HDAC4: variants seen among roughly 807,000 people sequenced by gnomAD.
HDAC4 encodes the protein histone deacetylase A.
A neutral mutation model predicts 135.1 loss-of-function variants in HDAC4; 16 were observed. That is an observed-to-expected ratio of 0.12 (90% CI 0.08 to 0.18). The LOEUF is 0.18. HDAC4 is among the 10% of genes least tolerant of loss of function. The pLI, the probability that HDAC4 is intolerant of heterozygous loss-of-function variation, is 1.00. For synonymous variants in HDAC4, 685 were observed against 653.4 expected, an observed-to-expected ratio of 1.05 and a Z score of -0.74; for missense variants, 1,143 against 1,511.8, an observed-to-expected ratio of 0.76 and a Z score of 4.05.
Position 239,115,939 on chromosome 2 carries a change from G to A in HDAC4, c.1534-629C>T, listed in dbSNP as rs1253771956. Among the ~76,000 whole-genome samples the A allele has an allele frequency of 1.3e-5, 2 of 152,032 alleles. No individual in the cohort carries two copies. Among genetic ancestry groups the A allele is most frequent in the Non-Finnish European group, 2.9e-5 (2 of 67,994 alleles). ...CAGGGACACCATGACCTCCTTTCTT[G>A]CAGGATTCCATGGGTGCTCCATGAC... is the stretch of plus-strand genomic sequence containing the variant. On this transcript the variant is annotated intron_variant, in intron 12 of 26. Coordinates refer to ENST00000543185, the MANE Select transcript of HDAC4 (RefSeq NM_001378414.1). The surrounding 1 kb of genome is among the most constrained non-coding windows in gnomAD (Gnocchi z 6.3).
intron 6 of HDAC4, 46 bp from the exon 7 acceptor site, chr2:239,156,819 G>A: frequency 3.1e-6 from 5 of 1,612,618 alleles, no homozygotes; most frequent in Non-Finnish European, 4.2e-6. Context: ...CCAGCGCACT[G>A]CCCCAGGCAT....
At chr2:239,109,987 A>G (rs940801661) in intron 14 of HDAC4, among the ~76,000 whole-genome samples, 1 of 152,222 alleles carries the variant, frequency 6.6e-6, no homozygotes, top group African/African-American at 2.4e-5. Flanking sequence ...AGGGTGGCAG[A>G]GCCAGCCAGG....
At chr2:239,364,228 T>A (rs1694029984) in intron 1 of HDAC4, among the ~76,000 whole-genome samples, 1 of 152,062 alleles carries the variant, frequency 6.6e-6, no homozygotes, top group Non-Finnish European at 1.5e-5. Context: ...GAAAGACATC[T>A]ACGAAGACAC....
chr2:239,284,573 G>A (rs1253869401), intron 2 of HDAC4, among the ~76,000 whole-genome samples: 2 of 152,218 alleles, frequency 1.3e-5, no homozygotes, highest in Non-Finnish European at 2.9e-5. Context: ...CTGGGCATCC[G>A]GTGCCAACAG....
At chr2:239,379,652 C>A (rs1695273907) in intron 1 of HDAC4, among the ~76,000 whole-genome samples, 2 of 152,166 alleles carry the variant, frequency 1.3e-5, no homozygotes, top group Admixed American at 6.5e-5. Context: ...AGTCATCTTA[C>A]CCTATCTTCA....
At chr2:239,053,696 C>A in intron 25 of HDAC4, 95 bp from the exon 26 acceptor site, 1 of 997,144 alleles carries the variant, frequency 1.0e-6, no homozygotes, top group Non-Finnish European at 1.5e-6. Flanking sequence ...GAGCCTCAAA[C>A]CAGATTGATC....
At chr2:239,077,115 C>G (rs774845709) in intron 22 of HDAC4, among the ~76,000 whole-genome samples, 10 of 152,230 alleles carry the variant, frequency 6.6e-5, no homozygotes, top group Non-Finnish European at 1.2e-4. Flanking sequence ...AGTCTGTCAC[C>G]TAAGCTGCCA....
intron 5 of HDAC4, among the ~76,000 whole-genome samples, chr2:239,175,716 A>G (rs1214987253): frequency 6.6e-6 from 1 of 152,210 alleles, no homozygotes; most frequent in Non-Finnish European, 1.5e-5. Flanking sequence ...TCCCGAAAGA[A>G]AAGTACTTTG....
chr2:239,221,364 T>G (rs760389646), intron 3 of HDAC4, among the ~76,000 whole-genome samples: 7 of 151,590 alleles, frequency 4.6e-5, no homozygotes, highest in Admixed American at 3.9e-4. Flanking sequence ...GAAAAAAAAA[T>G]CACAGCTCCA....
At chr2:239,081,010 G>A (rs1000981446) in intron 22 of HDAC4, 85 bp downstream of exon 22, 18 of 1,038,910 alleles carry the variant, frequency 1.7e-5, no homozygotes, top group African/African-American at 6.3e-5. Flanking sequence ...TTTCAGACAC[G>A]CTCATCTCCA....
At chr2:239,180,055 G>A (rs2044045744) in intron 4 of HDAC4, among the ~76,000 whole-genome samples, 1 of 152,230 alleles carries the variant, frequency 6.6e-6, no homozygotes, top group Non-Finnish European at 1.5e-5. Context: ...ACGGGGGCAG[G>A]CGGTGTGTGT....
intron 2 of HDAC4, among the ~76,000 whole-genome samples, chr2:239,297,043 A>AG (rs1413293297): frequency 1.3e-5 from 2 of 151,694 alleles, no homozygotes; most frequent in Admixed American, 6.6e-5. Flanking sequence ...AAAAAAAAAA[A>AG]AAAAAGGAAT....
chr2:239,353,336 TCTGACCAAGGA>T (rs1421878694), intron 1 of HDAC4, among the ~76,000 whole-genome samples: 8 of 152,208 alleles, frequency 5.3e-5, no homozygotes, highest in African/African-American at 1.9e-4. Context: ...TTATCCTTGT[TCTGACCAAGGA>T]CTGATAGAAC....
At chr2:239,107,896 A>G (rs750615854) in intron 15 of HDAC4, among the ~76,000 whole-genome samples, 154 bp downstream of exon 15, 1 of 152,238 alleles carries the variant, frequency 6.6e-6, no homozygotes, top group Non-Finnish European at 1.5e-5. Context: ...GCCCGCCCAA[A>G]TGCAGACAGT....
At chr2:239,228,180 C>T (rs2047349734) in intron 3 of HDAC4, among the ~76,000 whole-genome samples, 1 of 152,226 alleles carries the variant, frequency 6.6e-6, no homozygotes, top group Non-Finnish European at 1.5e-5. Context: ...ACGCCAGACA[C>T]TTGCCCTTGC....
rs578246404 is a variant in HDAC4 at position 239,331,669 on chromosome 2, A to T, written c.22+21009T>A. On this transcript the variant is annotated intron_variant, in intron 2 of 26. Coordinates refer to ENST00000543185, the MANE Select transcript of HDAC4 (RefSeq NM_001378414.1). The surrounding 1 kb of genome is among the most constrained non-coding windows in gnomAD (Gnocchi z 4.5). Reference sequence around the variant, plus strand: ...CCCACCGTGCGGGGACTGCCAGGTAAACCTCAGCTTCCACTCTGGGCTACA... The same window carrying T: ...CCCACCGTGCGGGGACTGCCAGGTATACCTCAGCTTCCACTCTGGGCTACA... Among the ~76,000 whole-genome samples the T allele has an allele frequency of 1.3e-5, 2 of 152,262 alleles. No homozygotes were observed. Among genetic ancestry groups the T allele is most frequent in the African/African-American group, 4.8e-5 (2 of 41,554 alleles).
intron 3 of HDAC4, among the ~76,000 whole-genome samples, chr2:239,210,337 A>G (rs1405996747): frequency 6.6e-5 from 10 of 152,194 alleles, no homozygotes; most frequent in Admixed American, 6.5e-4. Flanking sequence ...CAAAAACAAA[A>G]ATAAACAAGC....
intron 2 of HDAC4, among the ~76,000 whole-genome samples, chr2:239,336,570 G>T (rs995774068): frequency 6.6e-6 from 1 of 152,150 alleles, no homozygotes; most frequent in Non-Finnish European, 1.5e-5. Flanking sequence ...AGTAACTACA[G>T]TATACAGCCA....
At chr2:239,274,797 G>A (rs1005269533) in intron 2 of HDAC4, among the ~76,000 whole-genome samples, 1 of 152,152 alleles carries the variant, frequency 6.6e-6, no homozygotes, top group East Asian at 1.9e-4. Flanking sequence ...AGTCCCAGGT[G>A]GATGGCCCTT....
Sources: allele counts gnomAD v4.1 joint callset (sites outside exome capture counted in the v4.1 genomes callset), GRCh38; gene constraint gnomAD v4.1.1; non-coding constraint Gnocchi (gnomAD v3.1); transcripts MANE v1.5; gene names NCBI Gene and HGNC (gene_info 2026-07-23, HGNC 2026-07-21).